The following MEGF10 variants were observed in gnomAD, a reference collection of about 807,000 sequenced individuals.
MEGF10 encodes multiple epidermal growth factor-like domains protein 10.
In MEGF10, 86 loss-of-function variants were observed where a neutral mutation model predicts 147.5. The ratio of observed to expected loss-of-function variants is 0.58; its 90% CI spans 0.49 to 0.70. MEGF10 has a LOEUF of 0.70. Ranked by LOEUF, MEGF10 falls within the 30% of genes least tolerant of loss-of-function variation. The pLI, the probability that MEGF10 is intolerant of heterozygous loss-of-function variation, is 0.00. For synonymous variants in MEGF10, 478 were observed against 525.5 expected (o/e 0.91, Z 1.24); for missense variants, 1,329 against 1,487.3 (o/e 0.89, Z 1.75).
intron 7 of MEGF10, among the ~76,000 whole-genome samples, chr5:127,400,813 A>G (rs890233648): frequency 2.6e-5 from 4 of 152,016 alleles, no homozygotes; most frequent in Non-Finnish European, 4.4e-5. Flanking sequence ...TCACCTCTTT[A>G]TCTGTGTCCC....
chr5:127,378,305 T>C lies in MEGF10; in HGVS notation c.412+8303T>C, dbSNP rs962544863. Among the ~76,000 whole-genome samples the C allele has an allele frequency of 2.0e-5, 3 of 152,172 alleles. No homozygotes were observed. The South Asian group carries it at 6.2e-4, about 32-fold the overall frequency. ...CAGTGCTGTGCATGGCAGTATATAA[T>C]GACAAGTAAATGCTACTTATGATTC... On this transcript the variant is annotated intron_variant, in intron 5 of 24. Coordinates refer to ENST00000503335, the MANE Select transcript of MEGF10 (RefSeq NM_001256545.2).
At chr5:127,247,330 A>C in the MEGF10 span, among the ~76,000 whole-genome samples, 2 of 2,632 alleles carry the variant, frequency 7.6e-4, no homozygotes, top group South Asian at 0.022. Flanking sequence ...GAAGAAGAAG[A>C]AGAAGAAGAA....
the MEGF10 span, among the ~76,000 whole-genome samples, chr5:127,253,650 A>T: frequency 2.0e-5 from 3 of 152,080 alleles, no homozygotes; most frequent in African/African-American, 7.2e-5. Flanking sequence ...GCTTTCCTGC[A>T]CACTAGAAAC....
chr5:127,250,424 A>C, the MEGF10 span, among the ~76,000 whole-genome samples: 1 of 147,098 alleles, frequency 6.8e-6, no homozygotes, highest in African/African-American at 2.4e-5. Flanking sequence ...AATATGGGCA[A>C]AAATGTATTT....
In MEGF10 at chr5:127,354,216, A is replaced by G. The variant is rs1762194686; in HGVS notation, c.319+13586A>G. Among the ~76,000 whole-genome samples, 5 of 152,178 alleles carry G rather than the reference A, an allele frequency of 3.3e-5. No individual in the cohort carries two copies. In the South Asian group the frequency reaches 1.0e-3, roughly 32 times the overall value. ...GTTTGAATGTCATGCTTCAGAAAAC[A>G]ATGGGTTTTAAGCCCAAATTTTGAG... On this transcript the variant is annotated intron_variant, in intron 4 of 24. Coordinates refer to ENST00000503335, the MANE Select transcript of MEGF10 (RefSeq NM_001256545.2).
At chr5:127,406,433 C>T (rs564041728) in intron 8 of MEGF10, among the ~76,000 whole-genome samples, 24 of 152,330 alleles carry the variant, frequency 1.6e-4, no homozygotes, top group African/African-American at 5.5e-4. Context: ...CACATGTACA[C>T]AACAAACACA....
At chr5:127,435,718 A>T (rs940147489) in intron 16 of MEGF10, among the ~76,000 whole-genome samples, 1 of 152,100 alleles carries the variant, frequency 6.6e-6, no homozygotes, top group Admixed American at 6.5e-5. Flanking sequence ...AAGAACCTAA[A>T]TATGTAACAT....
rs185768858 is a variant in MEGF10 at position 127,327,407 on chromosome 5, G to A, written c.-18-3884G>A. Among the ~76,000 whole-genome samples, 79 of 152,288 alleles carry A rather than the reference G, an allele frequency of 5.2e-4. No individual in the cohort carries two copies. In the East Asian group the frequency reaches 0.012, roughly 23 times the overall value. Reference sequence around the variant, plus strand: ...TTAGAGATTTGAATATATTCAAAATGTCTATCTTAATGAAGCAAATCACCA... The same window carrying A: ...TTAGAGATTTGAATATATTCAAAATATCTATCTTAATGAAGCAAATCACCA... On this transcript the variant is annotated intron_variant, in intron 1 of 24. Coordinates refer to ENST00000503335, the MANE Select transcript of MEGF10 (RefSeq NM_001256545.2).
intron 5 of MEGF10, among the ~76,000 whole-genome samples, chr5:127,390,353 A>C (rs1580802889): frequency 6.6e-6 from 1 of 151,982 alleles, no homozygotes; most frequent in Admixed American, 6.6e-5. Context: ...TCAGTAGAGC[A>C]ATCACGACTC....
chr5:127,298,384 G>T (rs1042152593), intron 1 of MEGF10, among the ~76,000 whole-genome samples: 1 of 152,160 alleles, frequency 6.6e-6, no homozygotes, highest in Non-Finnish European at 1.5e-5. Context: ...TAAAGTATTT[G>T]TCCTTCCAGT....
the MEGF10 span, among the ~76,000 whole-genome samples, chr5:127,231,459 C>T: frequency 6.6e-6 from 1 of 152,200 alleles, no homozygotes; most frequent in Non-Finnish European, 1.5e-5. Flanking sequence ...CATCAGGTCT[C>T]TGCTTAAATG....
intron 4 of MEGF10, among the ~76,000 whole-genome samples, chr5:127,345,887 A>G (rs1761867040): frequency 6.6e-6 from 1 of 152,172 alleles, no homozygotes; most frequent in Non-Finnish European, 1.5e-5. Context: ...CTATCGTATC[A>G]TTCGTATGCC....
chr5:127,240,830 G>C, the MEGF10 span, among the ~76,000 whole-genome samples: 6 of 152,172 alleles, frequency 3.9e-5, no homozygotes, highest in Admixed American at 3.9e-4. Flanking sequence ...CCAAATTTTT[G>C]ATAAGCTTAA....
chr5:127,434,909 G>A, intron 15 of MEGF10, 88 bp downstream of exon 15: 13 of 1,489,840 alleles, frequency 8.7e-6, no homozygotes, highest in Non-Finnish European at 1.2e-5. Context: ...CCTTCCTGAA[G>A]GCCATGTTTT....
the MEGF10 span, among the ~76,000 whole-genome samples, chr5:127,281,626 T>C: frequency 7.9e-5 from 12 of 152,114 alleles, no homozygotes; most frequent in African/African-American, 2.9e-4. Context: ...TCCTGGAGTG[T>C]TGGGGTCTTG....
intron 4 of MEGF10, among the ~76,000 whole-genome samples, chr5:127,340,854 G>C (rs2126801114): frequency 6.6e-6 from 1 of 152,274 alleles, no homozygotes; most frequent in South Asian, 2.1e-4. Flanking sequence ...GGTGAAAACA[G>C]CTGTTACAGA....
chr5:127,280,595 C>T, the MEGF10 span, among the ~76,000 whole-genome samples: 1 of 152,142 alleles, frequency 6.6e-6, no homozygotes, highest in Non-Finnish European at 1.5e-5. Flanking sequence ...GAGAAACACT[C>T]ACCTTATTAG....
chr5:127,403,286 A>AT (rs1561623872), intron 8 of MEGF10, among the ~76,000 whole-genome samples: 1 of 151,860 alleles, frequency 6.6e-6, no homozygotes, highest in Non-Finnish European at 1.5e-5. Context: ...TTTTTCTTTA[A>AT]TTTTTTTATT....
chr5:127,433,020 G>A (rs114189495), intron 13 of MEGF10, among the ~76,000 whole-genome samples: 3,962 of 152,218 alleles, frequency 0.026, 48 homozygotes, highest in East Asian at 0.045. Context: ...GGGAGGAGGA[G>A]GAGGAAGTCA....
Sources: allele counts gnomAD v4.1 joint callset (sites outside exome capture counted in the v4.1 genomes callset), GRCh38; gene constraint gnomAD v4.1.1; transcripts MANE v1.5; gene names NCBI Gene and HGNC (gene_info 2026-07-23, HGNC 2026-07-21).